Variants in CARD10 observed in about 807,000 individuals in gnomAD.
The protein encoded by CARD10 is caspase recruitment domain-containing protein 10.
A neutral mutation model predicts 114.6 loss-of-function variants in CARD10; 49 were observed. The ratio of observed to expected loss-of-function variants is 0.43; its 90% CI spans 0.34 to 0.54. CARD10 has a LOEUF of 0.54. Among genes scored for constraint, CARD10 ranks in the 20% least tolerant of loss-of-function variants. The pLI is 0.03. For synonymous variants in CARD10, 602 were observed against 593.2 expected, an observed-to-expected ratio of 1.01 and a Z score of -0.21; for missense variants, 1,206 against 1,397.2, an observed-to-expected ratio of 0.86 and a Z score of 2.18.
rs778732750 is a variant in CARD10 at position 37,518,046 on chromosome 22, G to C, written c.298C>G (p.Leu100Val). The change falls in exon 2 of 20, where the codon CTG becomes GTG. Residue 100 changes from leucine to valine, a missense_variant. Coordinates refer to ENST00000251973, the MANE Select transcript of CARD10 (RefSeq NM_014550.4). ...KRGYEAFLEA[L>V]EFYYPEHFTL... Reference sequence around the variant, plus strand: ...AAGTGTTCGGGGTAGTAGAACTCCAGGGCTTCCAGGAAGGCCTCATAGCCC... The same window carrying C: ...AAGTGTTCGGGGTAGTAGAACTCCACGGCTTCCAGGAAGGCCTCATAGCCC... 1 of 1,614,056 alleles carries C rather than the reference G, an allele frequency of 6.2e-7. No homozygotes were observed. Among genetic ancestry groups the C allele is most frequent in the South Asian group, 1.1e-5 (1 of 91,076 alleles).
chr22:37,497,034 C>T lies in CARD10; in HGVS notation c.1932G>A (p.Arg644=). ...RRVLSGPGSA[R]MEPREQRVEA... The stretch of plus-strand genomic sequence containing the variant: ...AGGGCCTCACCTCTCTTGGTTCCAT[C>T]CTGGCGGACCCAGGCCCAGACAGCA... Residue 644 remains arginine (R), a synonymous_variant, in exon 12 of 20, where the codon AGG becomes AGA. Coordinates refer to ENST00000251973, the MANE Select transcript of CARD10 (RefSeq NM_014550.4). 9 of 1,613,318 alleles carry T rather than the reference C, an allele frequency of 5.6e-6. No individual in the cohort carries two copies. The highest frequency in any genetic ancestry group is 7.6e-6 in the Non-Finnish European group (9 of 1,179,648).
At position 37,516,237 on chromosome 22, in the gene CARD10, T is replaced by C. The variant is rs746013837; in HGVS notation, c.435A>G (p.Glu145=). ...CCCGCTGCAGCTGGCTCTTGCGAGC[T>C]TCCCGCAGCCGTCGCACCTCTGTCA... ...FLMTEVRRLR[E]ARKSQLQREQ... is the part of the protein sequence containing the mutation. Residue 145 remains glutamate, a synonymous_variant, in exon 3 of 20, where the codon GAA becomes GAG. Transcript: ENST00000251973. 4.9e-5 allele frequency: 78 copies of C among 1,605,718 alleles called. No homozygotes were observed. The South Asian group carries it at 7.0e-4, about 14-fold the overall frequency.
intron 6 of CARD10, 123 bp from the exon 7 acceptor site, chr22:37,506,506 G>A: frequency 1.6e-6 from 1 of 609,980 alleles, no homozygotes; most frequent in Non-Finnish European, 2.7e-6. Context: ...AGCACTGTGT[G>A]CCGGGCCCTG....
At chr22:37,491,448 G>A in intron 19 of CARD10, 55 bp from the exon 20 acceptor site, 1 of 1,294,878 alleles carries the variant, frequency 7.7e-7, no homozygotes, top group Non-Finnish European at 1.0e-6. Context: ...CAGACAGAGA[G>A]ACAGGGAGAG....
In CARD10 at chr22:37,496,422, C is replaced by A. The variant is rs770299322; in HGVS notation, c.2059+27G>T. On this transcript the variant is annotated intron_variant, in intron 13 of 19. Transcript: ENST00000251973. This position sits in a 1 kb window ranked among gnomAD's most constrained non-coding sequence, Gnocchi z 4.1. ...GGTTAGAGGACCCCTCTGGGGCCAA[C>A]AGCTCCGACTCCCAAGCCAGACTTA... is the stretch of plus-strand genomic sequence containing the variant. The A allele has an allele frequency of 1.9e-6, 3 of 1,555,682 alleles. No homozygotes were observed. Among genetic ancestry groups the A allele is most frequent in the African/African-American group, 2.7e-5 (2 of 73,654 alleles).
chr22:37,494,290 G>A, intron 15 of CARD10, 102 bp from the exon 16 acceptor site: 1 of 758,902 alleles, frequency 1.3e-6, no homozygotes, highest in Non-Finnish European at 2.2e-6. Context: ...CACTGCCACT[G>A]TGGTCCAGGC....
Position 37,518,835 on chromosome 22 carries a change from G to A in CARD10, c.235+131C>T, listed in dbSNP as rs953270313. The A allele has an allele frequency of 9.6e-6, 11 of 1,142,090 alleles. No individual in the cohort carries two copies. The African/African-American group carries it at 1.6e-4, about 17-fold the overall frequency. The allele number at this position is 1,142,090 out of a possible 1,614,324, so 70.7% of individuals were successfully genotyped here. A position where few individuals can be genotyped will look rare whatever the true frequency, so the allele number is the denominator to read the frequency against. On this transcript the variant is annotated intron_variant, in intron 1 of 19. Transcript: ENST00000251973. ...GGCAGGCTGGTGGGCATACCCAGCC[G>A]GCCCACTCTACTGATGCGGAGACCG...
chr22:37,505,566 C>T (rs923511609), intron 7 of CARD10, among the ~76,000 whole-genome samples: 2 of 150,964 alleles, frequency 1.3e-5, no homozygotes, highest in African/African-American at 4.9e-5. Context: ...GTCCCAGCTA[C>T]TAGGGAGGCT....
At position 37,496,052 on chromosome 22, in the gene CARD10, G is replaced by A. The variant is rs1437970694; in HGVS notation, c.2060-49C>T. On this transcript the variant is annotated intron_variant, in intron 13 of 19. Transcript: ENST00000251973. The surrounding 1 kb of genome is among the most constrained non-coding windows in gnomAD (Gnocchi z 4.1). ...CAGCAAGGAGGACAAGAGGAGGATGGTGAGGTCCAGGATCGGCCTTGGTGG... is the reference window on the plus strand; with the variant it reads ...CAGCAAGGAGGACAAGAGGAGGATGATGAGGTCCAGGATCGGCCTTGGTGG... The A allele has an allele frequency of 6.2e-7, 1 of 1,603,158 alleles. No individual in the cohort carries two copies.
Position 37,496,029 on chromosome 22 carries a change from G to C in CARD10, c.2060-26C>G, listed in dbSNP as rs534705679. 24 of 1,610,202 alleles carry C rather than the reference G, an allele frequency of 1.5e-5. No individual in the cohort carries two copies. Among genetic ancestry groups the C allele is most frequent in the Non-Finnish European group, 1.8e-5 (21 of 1,177,578 alleles). ...CTGGGCATGGATGGGGCAGGGGGCA[G>C]CAAGGAGGACAAGAGGAGGATGGTG... On this transcript the variant is annotated intron_variant, in intron 13 of 19. Transcript: ENST00000251973. The surrounding 1 kb of genome is among the most constrained non-coding windows in gnomAD (Gnocchi z 4.1).
Position 37,490,998 on chromosome 22 carries a change from G to T in CARD10, c.*161C>A, listed in dbSNP as rs878866577. On this transcript the variant is annotated 3_prime_UTR_variant, in exon 20 of 20. Transcript: ENST00000251973. ...TCTGTCCCGGGACTCCCATAGGCTC[G>T]GCAGGGCCAGAGACAGCCTTGGGGG... The T allele has an allele frequency of 1.6e-6, 1 of 620,914 alleles. No homozygotes were observed. Among genetic ancestry groups the T allele is most frequent in the Non-Finnish European group, 2.8e-6 (1 of 357,420 alleles). 38.5% of individuals were successfully genotyped at this position (620,914 alleles called of 1,614,324 possible). A position where few individuals can be genotyped will look rare whatever the true frequency, so the allele number is the denominator to read the frequency against.
chr22:37,504,796 G>A (rs372618064), intron 7 of CARD10, 27 bp from the exon 8 acceptor site: 5 of 1,452,096 alleles, frequency 3.4e-6, no homozygotes, highest in Non-Finnish European at 4.6e-6. Flanking sequence ...AGAGGAAGGA[G>A]GTGAGCAGTG....
rs775071196 is a variant in CARD10 at position 37,494,120 on chromosome 22, G to T, written c.2442C>A (p.Asp814Glu). The T allele has an allele frequency of 6.4e-7, 1 of 1,559,632 alleles. No individual in the cohort carries two copies. Among genetic ancestry groups the T allele is most frequent in the Non-Finnish European group, 8.7e-7 (1 of 1,152,080 alleles). ...GCTCCAGCAGCAGCTGATCCGGGGAGTCCCCTGCAGGCGCCCCCACGGGCT... is the reference window on the plus strand; with the variant it reads ...GCTCCAGCAGCAGCTGATCCGGGGATTCCCCTGCAGGCGCCCCCACGGGCT... ...RPKPVGAPAG[D>E]SPDQLLLEPC... is the part of the protein sequence containing the mutation. The change falls in exon 16 of 20, where the codon GAC becomes GAA. Residue 814 changes from aspartate (D) to glutamate (E), a missense_variant. Asp to Glu is a conservative substitution (Grantham distance 45, BLOSUM62 2). Coordinates refer to ENST00000251973, the MANE Select transcript of CARD10 (RefSeq NM_014550.4).
At position 37,515,990 on chromosome 22, in the gene CARD10, G is replaced by T. The variant is rs1046896416; in HGVS notation, c.682C>A (p.Arg228Ser). 1 of 1,585,592 alleles carries T rather than the reference G, an allele frequency of 6.3e-7. No individual in the cohort carries two copies. ...GGGCCTACCGCCAGCTGCAGGTCAC[G>T]GCTGCGAAGTACAGCCGAGTTCTTC... ...EEKNSAVLRS[R>S]DLQLAVDQLK... Residue 228 changes from arginine (R) to serine (S), a missense_variant, in exon 3 of 20, where the codon CGT becomes AGT. Coordinates refer to ENST00000251973, the MANE Select transcript of CARD10 (RefSeq NM_014550.4).
Position 37,508,592 on chromosome 22 carries a change from C to T in CARD10, c.1000G>A (p.Glu334Lys). ...DWREAQDSRQELCQKLHAVQG... is the reference protein window; with the variant it reads ...DWREAQDSRQKLCQKLHAVQG... ...ACGGCATGCAGCTTCTGGCACAGCT[C>T]CTGCCTGCTGTCCTGCGCCTCCCGC... The change falls in exon 5 of 20, where the codon GAG (glutamate) becomes AAG (lysine). Residue 334 changes from glutamate to lysine, a missense_variant. By Grantham distance (56) the Glu-to-Lys change is moderately conservative (BLOSUM62 1). This residue lies in a region of CARD10 where 1,068 missense variants were observed against 1,179.1 expected (regional missense o/e 0.91). Transcript: ENST00000251973. The T allele has an allele frequency of 6.3e-7, 1 of 1,591,840 alleles. No homozygotes were observed. The highest frequency in any genetic ancestry group is 8.5e-7 in the Non-Finnish European group (1 of 1,174,002).
At chr22:37,517,534 C>T (rs1274306207) in intron 2 of CARD10, among the ~76,000 whole-genome samples, 6 of 151,888 alleles carry the variant, frequency 4.0e-5, no homozygotes, top group African/African-American at 1.5e-4. Flanking sequence ...CCCAGCTACT[C>T]GGGAGGCTGA....
chr22:37,499,363 A>T (rs983772798), intron 11 of CARD10, among the ~76,000 whole-genome samples: 4 of 152,162 alleles, frequency 2.6e-5, no homozygotes, highest in African/African-American at 9.7e-5. Flanking sequence ...TACTGGCATC[A>T]GGTGTGATTC....
rs774120876 is a variant in CARD10, at chr22:37,510,351, G to A, written c.770C>T (p.Pro257Leu). Residue 257 changes from proline to leucine, a missense_variant, in exon 4 of 20, where the codon CCG (proline) becomes CTG (leucine). By Grantham distance (98) the Pro-to-Leu change is moderately conservative. Transcript: ENST00000251973. The part of the protein sequence containing the change: ...ECALLRRARG[P>L]PPGAEEKEKE... ...CTCCTTCTCCTCTGCCCCAGGGGGC[G>A]GGCCCCTGGCCCTTCGAAGCAGTGC... 36 of 1,612,572 alleles carry A rather than the reference G, an allele frequency of 2.2e-5. No individual in the cohort carries two copies. In the African/African-American group the frequency reaches 2.4e-4, roughly 11 times the overall value.
chr22:37,494,263 C>CG, intron 15 of CARD10, 75 bp from the exon 16 acceptor site: 2 of 1,018,570 alleles, frequency 2.0e-6, no homozygotes, highest in Non-Finnish European at 1.5e-6. Flanking sequence ...AAACGGGACC[C>CG]CTGGCACAGC....
Sources: allele counts gnomAD v4.1 joint callset (sites outside exome capture counted in the v4.1 genomes callset), GRCh38; gene constraint gnomAD v4.1.1; regional missense constraint gnomAD v4.1.1; non-coding constraint Gnocchi (gnomAD v3.1); transcripts MANE v1.5; gene names NCBI Gene and HGNC (gene_info 2026-07-23, HGNC 2026-07-21).